RARS1: variants seen among roughly 807,000 people sequenced by gnomAD.
The protein encoded by RARS1 is arginine--tRNA ligase, cytoplasmic.
In RARS1, 75 loss-of-function variants were observed where a neutral mutation model predicts 78.7. That is an observed-to-expected ratio of 0.95 (90% CI 0.79 to 1.15). The LOEUF (loss-of-function observed/expected upper bound fraction) is 1.15, where lower values mean the gene tolerates loss of function less well. Among genes scored for constraint, RARS1 ranks in the 50% most tolerant of loss-of-function variants. The pLI, the probability that RARS1 is intolerant of heterozygous loss-of-function variation, is 0.00. For missense variants in RARS1, 787 were observed against 787.5 expected (o/e 1.00, Z 0.01); for synonymous variants, 273 against 268.2 (o/e 1.02, Z -0.18).
chr5:168,489,559 G>A (rs1485173661), intron 2 of RARS1, among the ~76,000 whole-genome samples: 1 of 151,500 alleles, frequency 6.6e-6, no homozygotes, highest in Non-Finnish European at 1.5e-5. Flanking sequence ...TTATTTAATG[G>A]TCTCATGATT....
intron 6 of RARS1, among the ~76,000 whole-genome samples, chr5:168,496,793 A>G (rs1758200767): frequency 1.3e-5 from 2 of 152,104 alleles, no homozygotes; most frequent in Admixed American, 1.3e-4. Context: ...CTCAACATAT[A>G]TTTTCAAGAA....
intron 6 of RARS1, among the ~76,000 whole-genome samples, chr5:168,495,984 A>C (rs1308537428): frequency 1.3e-5 from 2 of 152,120 alleles, no homozygotes; most frequent in Admixed American, 6.5e-5. Flanking sequence ...ACCTGTCTCT[A>C]TTTTTTATAT....
intron 12 of RARS1, 73 bp downstream of exon 12, chr5:168,510,759 C>T (rs1758548355): frequency 8.8e-7 from 1 of 1,141,436 alleles, no homozygotes; most frequent in Non-Finnish European, 1.2e-6. Flanking sequence ...ATTGAGAGAA[C>T]TGAGGAGAAG....
At chr5:168,506,912 A>T (rs1758460443) in intron 11 of RARS1, 81 bp downstream of exon 11, 2 of 1,145,028 alleles carry the variant, frequency 1.7e-6, no homozygotes, top group Admixed American at 4.0e-5. Context: ...TATTAGAATT[A>T]AGAAAGTCCA....
At chr5:168,488,151 A>G (rs1325045752) in intron 1 of RARS1, 1 of 372,658 alleles carries the variant, frequency 2.7e-6, no homozygotes. Context: ...TTTTTGAAAC[A>G]GAGTCTCGCT....
chr5:168,513,286 G>A (rs561801893), intron 12 of RARS1, among the ~76,000 whole-genome samples: 2 of 143,488 alleles, frequency 1.4e-5, no homozygotes, highest in South Asian at 4.4e-4. Flanking sequence ...TCTCAATCTC[G>A]TGACCTCGTG....
rs891831890 is a variant in RARS1 at position 168,502,361 on chromosome 5, A to AATAT, written c.1057+277_1057+280dup. Among the ~76,000 whole-genome samples the AATAT allele has an allele frequency of 8.0e-4, 107 of 133,576 alleles. 1 individual carries two copies. The highest frequency in any genetic ancestry group is 3.5e-3 in the South Asian group (15 of 4,282). 87.6% of individuals were successfully genotyped at this position (133,576 alleles called of 152,430 possible). The stretch of plus-strand genomic sequence containing the variant: ...AAACCGCAATATCATTATAATAACA[A>AATAT]ATATATATATATATATATATATATT... On this transcript the variant is annotated intron_variant, in intron 9 of 14. Transcript: ENST00000231572.
chr5:168,497,291 AT>A lies in RARS1; in HGVS notation c.768del (p.Pro257GlnfsTer4). 6.3e-7 allele frequency: 1 copy of A among 1,592,550 alleles called. No individual in the cohort carries two copies. Among genetic ancestry groups the A allele is most frequent in the Non-Finnish European group, 8.6e-7 (1 of 1,168,386 alleles). ...GMLIAHLQDK[F>X]PDYLTVSPPI... ...TGCTCATCGCTCACCTGCAAGACAAATTTCCAGATTATCTAACAGTTTCACC... is the reference window on the plus strand; with the variant it reads ...TGCTCATCGCTCACCTGCAAGACAAATTCCAGATTATCTAACAGTTTCACC... On this transcript the variant is annotated frameshift_variant, in exon 7 of 15. Coordinates refer to ENST00000231572, the MANE Select transcript of RARS1 (RefSeq NM_002887.4). LOFTEE classifies it high-confidence loss of function.
intron 1 of RARS1, chr5:168,488,335 C>G (rs752972747): frequency 5.2e-5 from 20 of 382,200 alleles, no homozygotes; most frequent in Non-Finnish European, 8.8e-5. Flanking sequence ...GCTATGTTTG[C>G]CATGCTGGTC....
At position 168,501,222 on chromosome 5, in the gene RARS1, A is replaced by G. The variant is rs781439288; in HGVS notation, c.952+502A>G. On this transcript the variant is annotated intron_variant, in intron 8 of 14. Coordinates refer to ENST00000231572, the MANE Select transcript of RARS1 (RefSeq NM_002887.4). ...AAAGAACAACCAGTAGATCTTTGAA[A>G]AAGACGATTAATGATGACTGGCTTG... Among the ~76,000 whole-genome samples the G allele has an allele frequency of 7.6e-4, 115 of 152,310 alleles. 1 individual carries two copies. The highest frequency in any genetic ancestry group is 1.1e-3 in the Non-Finnish European group (77 of 68,020).
chr5:168,519,243 G>A lies in RARS1; in HGVS notation c.*53G>A. The A allele has an allele frequency of 7.1e-7, 1 of 1,417,920 alleles. No homozygotes were observed. Among genetic ancestry groups the A allele is most frequent in the Non-Finnish European group, 9.9e-7 (1 of 1,014,052 alleles). 87.8% of individuals were successfully genotyped at this position (1,417,920 alleles called of 1,614,324 possible). A position where few individuals can be genotyped will look rare whatever the true frequency, so the allele number is the denominator to read the frequency against. On this transcript the variant is annotated 3_prime_UTR_variant, in exon 15 of 15. Coordinates refer to ENST00000231572, the MANE Select transcript of RARS1 (RefSeq NM_002887.4). Reference sequence around the variant, plus strand: ...TTTTACCAAAGTGGCCATTGGCACTGTTTGCTTTTTTACAATCATGTGGAC... The same window carrying A: ...TTTTACCAAAGTGGCCATTGGCACTATTTGCTTTTTTACAATCATGTGGAC...
chr5:168,495,720 A>G (rs1156488539), intron 6 of RARS1, among the ~76,000 whole-genome samples: 1 of 152,218 alleles, frequency 6.6e-6, no homozygotes, highest in African/African-American at 2.4e-5. Context: ...CAATGGGTTT[A>G]TATCCTAGCA....
At chr5:168,500,440 A>G in intron 7 of RARS1, 151 bp from the exon 8 acceptor site, 1 of 697,504 alleles carries the variant, frequency 1.4e-6, no homozygotes, top group Non-Finnish European at 2.0e-6. Flanking sequence ...CATTTGTAAC[A>G]GTATTCTCAA....
At chr5:168,500,372 CTG>C (rs777100574) in intron 7 of RARS1, among the ~76,000 whole-genome samples, 1 of 151,942 alleles carries the variant, frequency 6.6e-6, no homozygotes, top group Non-Finnish European at 1.5e-5. Flanking sequence ...GTAAAGAAAA[CTG>C]TGGTGAGATT....
intron 7 of RARS1, among the ~76,000 whole-genome samples, chr5:168,500,094 T>C (rs1758282908): frequency 6.8e-6 from 1 of 146,370 alleles, no homozygotes; most frequent in Non-Finnish European, 1.5e-5. Flanking sequence ...GGCTGAAGCA[T>C]GAGAATCACT....
intron 7 of RARS1, among the ~76,000 whole-genome samples, chr5:168,499,150 T>C (rs1202101661): frequency 2.6e-5 from 4 of 151,894 alleles, no homozygotes; most frequent in Non-Finnish European, 5.9e-5. Context: ...AGACCCTGTC[T>C]CTACATAAAA....
At chr5:168,500,017 G>A (rs1356061929) in intron 7 of RARS1, among the ~76,000 whole-genome samples, 1 of 151,874 alleles carries the variant, frequency 6.6e-6, no homozygotes, top group African/African-American at 2.4e-5. Context: ...GTGAAATCCT[G>A]TCTCTACTAA....
rs1322005668 is a variant in RARS1 at position 168,506,087 on chromosome 5, T to C, written c.1124T>C (p.Ile375Thr). The C allele has an allele frequency of 6.2e-7, 1 of 1,607,898 alleles. No individual in the cohort carries two copies. The highest frequency in any genetic ancestry group is 8.5e-7 in the Non-Finnish European group (1 of 1,177,166). The change falls in exon 10 of 15, where the codon ATA becomes ACA. Residue 375 changes from isoleucine (I) to threonine (T), a missense_variant. Transcript: ENST00000231572. The stretch of plus-strand genomic sequence containing the variant: ...CCAGGGTGTTCCATACCATTAACCA[T>C]AGTAAAATCAGATGGAGGTTATACC... ...FVPGCSIPLTIVKSDGGYTYD... is the reference protein window; with the variant it reads ...FVPGCSIPLTTVKSDGGYTYD...
At chr5:168,500,337 G>A (rs1758291575) in intron 7 of RARS1, among the ~76,000 whole-genome samples, 1 of 151,908 alleles carries the variant, frequency 6.6e-6, no homozygotes, top group African/African-American at 2.4e-5. Flanking sequence ...ATTAGCTGAA[G>A]TAGACTTTTG....
Sources: gnomAD v4.1 joint callset for allele counts (sites outside exome capture counted in the v4.1 genomes callset) on GRCh38, gnomAD v4.1.1 for gene constraint, MANE v1.5 for transcripts, NCBI Gene and HGNC (gene_info 2026-07-23, HGNC 2026-07-21) for gene names.